Variants in TMPRSS15 observed in about 807,000 individuals in gnomAD.
The protein encoded by TMPRSS15 is enteropeptidase.
A neutral mutation model predicts 125.3 loss-of-function variants in TMPRSS15; 128 were observed. That is an observed-to-expected ratio of 1.02 (90% CI 0.89 to 1.18). TMPRSS15 has a LOEUF of 1.18. TMPRSS15 is among the 50% of genes most tolerant of loss of function. The pLI is 0.00. For synonymous variants in TMPRSS15, 446 were observed against 423.2 expected, an observed-to-expected ratio of 1.05 and a Z score of -0.66; for missense variants, 1,283 against 1,212.7, an observed-to-expected ratio of 1.06 and a Z score of -0.86.
At chr21:18,427,045 T>C (rs192758925) in intron 1 of TMPRSS15, among the ~76,000 whole-genome samples, 1 of 152,352 alleles carries the variant, frequency 6.6e-6, no homozygotes, top group East Asian at 1.9e-4. Context: ...TTGATGTTAT[T>C]AGAAGCCCAT....
At chr21:18,344,118 C>CA in intron 10 of TMPRSS15, 58 bp from the exon 11 acceptor site, 1 of 1,399,622 alleles carries the variant, frequency 7.1e-7, no homozygotes, top group Non-Finnish European at 1.0e-6. Flanking sequence ...CATTGTGTGA[C>CA]AAGTAGACTT....
At position 18,293,303 on chromosome 21, in the gene TMPRSS15, C is replaced by T. The variant is rs558790935; in HGVS notation, c.2486+967G>A. 1.4e-4 allele frequency among the ~76,000 whole-genome samples: 21 copies of T among 152,240 alleles called. No homozygotes were observed. In the East Asian group the frequency reaches 3.3e-3, roughly 24 times the overall value. The stretch of plus-strand genomic sequence containing the variant: ...GTAACCTGATTAACTACGGCTGCCT[C>T]GTCCATGCCCGGTTCTTTCCTCGTC... On this transcript the variant is annotated intron_variant, in intron 21 of 24. Transcript: ENST00000284885.
intron 3 of TMPRSS15, among the ~76,000 whole-genome samples, chr21:18,387,408 C>T (rs540725816): frequency 5.9e-5 from 9 of 152,118 alleles, no homozygotes; most frequent in Middle Eastern, 3.4e-3. Context: ...CAAGTCTTTC[C>T]TTTCCTAACT....
intron 6 of TMPRSS15, among the ~76,000 whole-genome samples, chr21:18,370,433 C>G (rs560621634): frequency 6.6e-6 from 1 of 152,198 alleles, no homozygotes; most frequent in South Asian, 2.1e-4. Flanking sequence ...GGCTTAAAGC[C>G]ATGTGTCTAA....
chr21:18,367,455 A>T (rs879337019), intron 6 of TMPRSS15, among the ~76,000 whole-genome samples: 2 of 152,206 alleles, frequency 1.3e-5, no homozygotes, highest in Non-Finnish European at 2.9e-5. Flanking sequence ...CATGCCAAAC[A>T]AGCAGGGCAA....
Position 18,398,277 on chromosome 21 carries a change from G to A in TMPRSS15, c.198C>T (p.Ser66=), listed in dbSNP as rs372549174. The A allele has an allele frequency of 8.1e-6, 13 of 1,613,564 alleles. No individual in the cohort carries two copies. The highest frequency in any genetic ancestry group is 3.3e-5 in the South Asian group (3 of 91,072). ...HEARATFKIT[S]GVTYNPNLQD... Reference sequence around the variant, plus strand: ...GCAAATTAGGATTATATGTAACTCCGGATGTTATTTTAAATGTCGCTCTGG... The same window carrying A: ...GCAAATTAGGATTATATGTAACTCCAGATGTTATTTTAAATGTCGCTCTGG... The change falls in exon 2 of 25, where the codon TCC becomes TCT. Residue 66 remains serine (S), a synonymous_variant. Coordinates refer to ENST00000284885, the MANE Select transcript of TMPRSS15 (RefSeq NM_002772.3).
chr21:18,309,624 G>A (rs992097281), intron 18 of TMPRSS15, among the ~76,000 whole-genome samples: 7 of 152,030 alleles, frequency 4.6e-5, no homozygotes, highest in Non-Finnish European at 1.0e-4. Context: ...TGAAGGATGC[G>A]AACAGACAAT....
chr21:18,272,213 C>T (rs2074565817), intron 24 of TMPRSS15, among the ~76,000 whole-genome samples: 1 of 152,192 alleles, frequency 6.6e-6, no homozygotes, highest in Admixed American at 6.5e-5. Context: ...TTCTTCACAA[C>T]CTTGCCAGCA....
At chr21:18,411,911 G>C (rs2076166847) in intron 1 of TMPRSS15, among the ~76,000 whole-genome samples, 1 of 152,124 alleles carries the variant, frequency 6.6e-6, no homozygotes, top group Admixed American at 6.6e-5. Context: ...AAATAGACCT[G>C]TATTTCGGGG....
In TMPRSS15 at chr21:18,332,131, G is replaced by T; in HGVS notation, c.1607C>A (p.Thr536Lys). The T allele has an allele frequency of 6.2e-7, 1 of 1,614,112 alleles. No individual in the cohort carries two copies. Among genetic ancestry groups the T allele is most frequent in the South Asian group, 1.1e-5 (1 of 91,088 alleles). ...GTTTGGAAAGTTCGTAGAACTGAAT[G>T]TTGTATTTGGCTCCCACAGCTCAAA... ...GPFELWEPNT[T>K]FSSTNFPNSY... Residue 536 changes from threonine to lysine, a missense_variant, in exon 14 of 25, where the codon ACA (threonine) becomes AAA (lysine). Coordinates refer to ENST00000284885, the MANE Select transcript of TMPRSS15 (RefSeq NM_002772.3).
At chr21:18,380,477 T>C (rs1421356135) in intron 4 of TMPRSS15, 6 of 451,608 alleles carry the variant, frequency 1.3e-5, no homozygotes, top group Non-Finnish European at 2.3e-5. Context: ...AATGTATATT[T>C]TCCTAGGTGA....
intron 19 of TMPRSS15, among the ~76,000 whole-genome samples, chr21:18,296,574 G>T (rs999166123): frequency 6.6e-5 from 10 of 152,110 alleles, no homozygotes; most frequent in African/African-American, 1.9e-4. Flanking sequence ...CATAGAATAA[G>T]CTAGTTTTGA....
intron 1 of TMPRSS15, among the ~76,000 whole-genome samples, chr21:18,441,661 CATTATTATTATT>C (rs113071625): frequency 0.3 from 40,110 of 134,574 alleles, 6,863 homozygotes; most frequent in East Asian, 0.58. Flanking sequence ...CTTTAGGACA[CATTATTATTATT>C]ATTATTATTA....
Position 18,421,029 on chromosome 21 carries a change from A to C in TMPRSS15, c.11-22700T>G, listed in dbSNP as rs777725951. ...TTATATGTACACTACATTTCTAAAAAGGGAGAGCTTGGAGAAACTAAGATA... is the reference window on the plus strand; with the variant it reads ...TTATATGTACACTACATTTCTAAAACGGGAGAGCTTGGAGAAACTAAGATA... On this transcript the variant is annotated intron_variant, in intron 1 of 7. Coordinates refer to the TMPRSS15 transcript ENST00000422787. 9.1e-4 allele frequency among the ~76,000 whole-genome samples: 138 copies of C among 152,006 alleles called. 2 individuals are homozygous for C. The highest frequency in any genetic ancestry group is 2.9e-4 in the Non-Finnish European group (20 of 68,030).
At chr21:18,354,053 T>C (rs1289025399) in intron 8 of TMPRSS15, among the ~76,000 whole-genome samples, 190 bp from the exon 9 acceptor site, 1 of 151,788 alleles carries the variant, frequency 6.6e-6, no homozygotes, top group Non-Finnish European at 1.5e-5. Flanking sequence ...CTCTCAAACA[T>C]TAGAAAGCCT....
intron 4 of TMPRSS15, among the ~76,000 whole-genome samples, chr21:18,381,035 A>G (rs2075888466): frequency 6.6e-6 from 1 of 152,164 alleles, no homozygotes; most frequent in Non-Finnish European, 1.5e-5. Flanking sequence ...AGTGCTTTGC[A>G]CATAGAAGAC....
chr21:18,275,264 G>A lies in TMPRSS15; in HGVS notation c.2837C>T (p.Pro946Leu), dbSNP rs745964174. The A allele has an allele frequency of 1.2e-6, 2 of 1,613,834 alleles. No homozygotes were observed. The highest frequency in any genetic ancestry group is 2.7e-5 in the African/African-American group (2 of 74,872). The change falls in exon 24 of 25, where the codon CCA (proline) becomes CTA (leucine). Residue 946 changes from proline to leucine, a missense_variant. Physicochemically the swap from Pro to Leu is moderately conservative, Grantham distance 98. Transcript: ENST00000284885. ...CATATTTTCAGTAATGTTATATTCT[G>A]GCATCTGCTGTTGGCATCTCTCATT... ...LSNERCQQQM[P>L]EYNITENMIC... is the part of the protein sequence containing the mutation.
intron 14 of TMPRSS15, among the ~76,000 whole-genome samples, 174 bp from the exon 15 acceptor site, chr21:18,329,468 G>A: frequency 6.7e-6 from 1 of 148,786 alleles, no homozygotes; most frequent in African/African-American, 2.5e-5. Flanking sequence ...TTTTTGGTAA[G>A]AAAATATATT....
chr21:18,365,344 C>T (rs761293604), intron 6 of TMPRSS15, 96 bp from the exon 7 acceptor site: 12 of 967,268 alleles, frequency 1.2e-5, no homozygotes, highest in Non-Finnish European at 2.0e-5. Flanking sequence ...AAAACCTGTA[C>T]AAGGTTATTT....
Sources: allele counts gnomAD v4.1 joint callset (sites outside exome capture counted in the v4.1 genomes callset), GRCh38; gene constraint gnomAD v4.1.1; transcripts MANE v1.5; gene names NCBI Gene and HGNC (gene_info 2026-07-23, HGNC 2026-07-21).